The following RNF38 variants were observed in gnomAD, a reference collection of about 807,000 sequenced individuals.
RNF38 encodes the protein ring finger protein 38, also known as E3 ubiquitin-protein ligase RNF38.
A neutral mutation model predicts 67.2 loss-of-function variants in RNF38; 15 were observed. That is an observed-to-expected ratio of 0.22 (90% CI 0.15 to 0.34). RNF38 has a LOEUF of 0.34. Ranked by LOEUF, RNF38 falls within the 10% of genes least tolerant of loss-of-function variation. The pLI, the probability that RNF38 is intolerant of heterozygous loss-of-function variation, is 1.00. For synonymous variants in RNF38, 220 were observed against 218.8 expected, an observed-to-expected ratio of 1.01 and a Z score of -0.05; for missense variants, 524 against 639.9, an observed-to-expected ratio of 0.82 and a Z score of 1.95.
At chr9:36,412,625 G>C (rs1188941486) in intron 2 of RNF38, among the ~76,000 whole-genome samples, 1 of 152,180 alleles carries the variant, frequency 6.6e-6, no homozygotes, top group Non-Finnish European at 1.5e-5. Context: ...GGTAGTCCAC[G>C]AAAGATCTGG....
intron 6 of RNF38, 61 bp downstream of exon 6, chr9:36,356,242 C>A: frequency 1.3e-6 from 2 of 1,536,706 alleles, no homozygotes; most frequent in Non-Finnish European, 1.8e-6. Context: ...CCTAAACATT[C>A]TGAAAAAATT....
intron 9 of RNF38, among the ~76,000 whole-genome samples, chr9:36,350,516 T>C (rs375987262): frequency 1.3e-5 from 2 of 152,256 alleles, no homozygotes; most frequent in Admixed American, 6.5e-5. Context: ...AGACCATCTG[T>C]TGATTCTCAA....
chr9:36,446,927 T>C (rs1478781728), intron 1 of RNF38, among the ~76,000 whole-genome samples: 2 of 140,720 alleles, frequency 1.4e-5, no homozygotes, highest in Non-Finnish European at 3.0e-5. Context: ...TCGAGACCAA[T>C]CTGGCCAATG....
intron 1 of RNF38, among the ~76,000 whole-genome samples, chr9:36,393,114 C>A (rs1329610013): frequency 6.6e-6 from 1 of 152,186 alleles, no homozygotes; most frequent in Non-Finnish European, 1.5e-5. Flanking sequence ...GGCCATCCTG[C>A]CTTCAACTAT....
intron 1 of RNF38, among the ~76,000 whole-genome samples, chr9:36,448,452 C>T (rs1359604271): frequency 6.6e-6 from 1 of 152,158 alleles, no homozygotes; most frequent in Non-Finnish European, 1.5e-5. Flanking sequence ...TAGACACATG[C>T]AGAGAGCTGT....
At chr9:36,378,779 G>A (rs879062796) in intron 2 of RNF38, among the ~76,000 whole-genome samples, 2 of 152,182 alleles carry the variant, frequency 1.3e-5, no homozygotes, top group South Asian at 4.1e-4. Flanking sequence ...GTAGAGGTAA[G>A]GAAAGTGGCT....
chr9:36,431,982 T>C (rs1193454969), intron 1 of RNF38, among the ~76,000 whole-genome samples: 1 of 152,194 alleles, frequency 6.6e-6, no homozygotes, highest in Non-Finnish European at 1.5e-5. Context: ...CCTAGGGTTT[T>C]AGGACCTCTG....
intron 4 of RNF38, among the ~76,000 whole-genome samples, chr9:36,362,308 A>C (rs897511944): frequency 6.6e-6 from 1 of 151,786 alleles, no homozygotes; most frequent in Non-Finnish European, 1.5e-5. Flanking sequence ...CAGTGAGCCA[A>C]GATCGAGCCA....
At chr9:36,429,089 A>G (rs1838861846) in intron 1 of RNF38, among the ~76,000 whole-genome samples, 1 of 152,224 alleles carries the variant, frequency 6.6e-6, no homozygotes, top group South Asian at 2.1e-4. Context: ...ACTTTAACCA[A>G]TTCTATAAAG....
chr9:36,393,657 T>C (rs1365423310), intron 1 of RNF38, among the ~76,000 whole-genome samples: 1 of 151,936 alleles, frequency 6.6e-6, no homozygotes, highest in Non-Finnish European at 1.5e-5. Flanking sequence ...TTAAATCATA[T>C]GACAAAGGAG....
At chr9:36,447,965 G>C (rs1282404337) in intron 1 of RNF38, among the ~76,000 whole-genome samples, 3 of 152,258 alleles carry the variant, frequency 2.0e-5, no homozygotes. Context: ...TTCTGAACTA[G>C]AAGTATAACA....
upstream of RNF38, among the ~76,000 whole-genome samples, chr9:36,404,922 T>G (rs1838142634): frequency 6.6e-6 from 1 of 151,848 alleles, no homozygotes; most frequent in Non-Finnish European, 1.5e-5. Flanking sequence ...TTTGTTTTTT[T>G]TTAAGACCCC....
intron 3 of RNF38, among the ~76,000 whole-genome samples, chr9:36,374,136 ATCT>A (rs1835600505): frequency 6.6e-6 from 1 of 152,216 alleles, no homozygotes; most frequent in South Asian, 2.1e-4. Context: ...GCCATATACT[ATCT>A]TACCTAAAAA....
chr9:36,443,991 TG>T (rs928642479), intron 1 of RNF38, among the ~76,000 whole-genome samples: 1 of 152,226 alleles, frequency 6.6e-6, no homozygotes, highest in African/African-American at 2.4e-5. Flanking sequence ...GCAGCTCTAA[TG>T]ATCACTGCCA....
chr9:36,411,778 C>G (rs1838332281), intron 2 of RNF38, among the ~76,000 whole-genome samples: 1 of 151,880 alleles, frequency 6.6e-6, no homozygotes, highest in South Asian at 2.1e-4. Context: ...CCATGTTGGC[C>G]AGGCTGGTTT....
At chr9:36,412,194 C>G (rs936485202) in intron 2 of RNF38, among the ~76,000 whole-genome samples, 3 of 152,214 alleles carry the variant, frequency 2.0e-5, no homozygotes, top group African/African-American at 7.2e-5. Flanking sequence ...TCTCCAAGCT[C>G]ATCTCATACC....
At chr9:36,430,341 G>A (rs527963689) in intron 1 of RNF38, among the ~76,000 whole-genome samples, 1 of 152,116 alleles carries the variant, frequency 6.6e-6, no homozygotes, top group Non-Finnish European at 1.5e-5. Flanking sequence ...GGAGTAGCTG[G>A]AATTACAGGC....
chr9:36,352,857 G>A lies in RNF38; in HGVS notation c.1072-9C>T. The A allele has an allele frequency of 6.3e-7, 1 of 1,582,864 alleles. No homozygotes were observed. Among genetic ancestry groups the A allele is most frequent in the Non-Finnish European group, 8.7e-7 (1 of 1,152,332 alleles). ...ATAAATGGAGGATAAGGCTGCAAGG[G>A]GAAAAATGTTAAGATTTAGAATCAC... On this transcript the variant is annotated splice_polypyrimidine_tract_variant and intron_variant, in intron 7 of 11. Coordinates refer to ENST00000259605, the MANE Select transcript of RNF38 (RefSeq NM_022781.5).
At chr9:36,377,165 C>T (rs1835852765) in intron 2 of RNF38, among the ~76,000 whole-genome samples, 1 of 152,056 alleles carries the variant, frequency 6.6e-6, no homozygotes, top group Non-Finnish European at 1.5e-5. Context: ...AATCAGTCTA[C>T]CCAAAAATAT....
Sources: allele counts gnomAD v4.1 joint callset (sites outside exome capture counted in the v4.1 genomes callset), GRCh38; gene constraint gnomAD v4.1.1; transcripts MANE v1.5; gene names NCBI Gene and HGNC (gene_info 2026-07-23, HGNC 2026-07-21).